SGCZ: variants seen among roughly 807,000 people sequenced by gnomAD.
SGCZ encodes the protein sarcoglycan zeta, also known as zeta-sarcoglycan.
Under a neutral mutation model 41.3 loss-of-function variants are expected in SGCZ, and 40 were observed. The observed-to-expected ratio is 0.97, with a 90% CI of 0.75 to 1.26. The LOEUF (loss-of-function observed/expected upper bound fraction) is 1.26, where lower values mean the gene tolerates loss of function less well. Ranked by LOEUF, SGCZ falls within the 50% of genes most tolerant of loss-of-function variation. SGCZ has a pLI of 0.00. For missense variants in SGCZ, 552 were observed against 369.8 expected, an observed-to-expected ratio of 1.49 and a Z score of -4.04; for synonymous variants, 206 against 137.5, an observed-to-expected ratio of 1.50 and a Z score of -3.49.
At chr8:15,155,968 G>T (rs1799318061) in intron 1 of SGCZ, among the ~76,000 whole-genome samples, 2 of 148,032 alleles carry the variant, frequency 1.4e-5, no homozygotes, top group African/African-American at 5.0e-5. Flanking sequence ...CGAAGCAGGA[G>T]AATCGCTTGA....
chr8:15,051,916 C>T (rs756574183), intron 1 of SGCZ, among the ~76,000 whole-genome samples: 9 of 152,114 alleles, frequency 5.9e-5, no homozygotes, highest in Non-Finnish European at 1.2e-4. Context: ...ACAATTTGGG[C>T]GCGCCAAAAG....
chr8:15,172,993 T>C (rs1799890095), intron 1 of SGCZ, among the ~76,000 whole-genome samples: 1 of 152,198 alleles, frequency 6.6e-6, no homozygotes, highest in Non-Finnish European at 1.5e-5. Context: ...TCTGAACTTT[T>C]TTGGATAACA....
intron 1 of SGCZ, among the ~76,000 whole-genome samples, chr8:14,688,271 T>C (rs1808683055): frequency 6.6e-6 from 1 of 152,204 alleles, no homozygotes; most frequent in Non-Finnish European, 1.5e-5. Flanking sequence ...TCCTTGCCCA[T>C]GCCTATGTCC....
chr8:15,183,937 G>T (rs898352652), intron 1 of SGCZ, among the ~76,000 whole-genome samples: 2 of 152,040 alleles, frequency 1.3e-5, no homozygotes, highest in East Asian at 1.9e-4. Context: ...GAGTAATAAA[G>T]GTCTGTGTAA....
rs898535295 is a variant in SGCZ at position 14,312,670 on chromosome 8, AGAG to A, written c.336+11430_336+11432del. On this transcript the variant is annotated intron_variant, in intron 3 of 7. Coordinates refer to ENST00000382080, the MANE Select transcript of SGCZ (RefSeq NM_139167.4). ...AAGAGGAAGAGGAAGAGGAGGAGGA[AGAG>A]GAGGAGGAGGAGGAAGAGGAGCAGG... Among the ~76,000 whole-genome samples the A allele has an allele frequency of 4.0e-5, 6 of 151,474 alleles. No homozygotes were observed. The East Asian group carries it at 5.8e-4, about 15-fold the overall frequency.
At chr8:14,436,104 C>T (rs1800083608) in intron 2 of SGCZ, among the ~76,000 whole-genome samples, 1 of 152,170 alleles carries the variant, frequency 6.6e-6, no homozygotes, top group Non-Finnish European at 1.5e-5. Flanking sequence ...GGATGTCAAA[C>T]TTCTGTCTAG....
At chr8:14,204,280 G>A (rs971209052) in intron 4 of SGCZ, among the ~76,000 whole-genome samples, 1 of 146,352 alleles carries the variant, frequency 6.8e-6, no homozygotes, top group African/African-American at 2.5e-5. Context: ...CACTCTGAAT[G>A]TTTTTTTTTT....
intron 1 of SGCZ, among the ~76,000 whole-genome samples, chr8:14,622,888 T>C (rs1806331063): frequency 6.6e-6 from 1 of 152,158 alleles, no homozygotes; most frequent in Non-Finnish European, 1.5e-5. Context: ...GTAACCTGGG[T>C]GGAGAACTGA....
rs375198130 is a variant in SGCZ at position 14,970,614 on chromosome 8, T to A, written c.39+266971A>T. 3.3e-5 allele frequency among the ~76,000 whole-genome samples: 5 copies of A among 152,286 alleles called. No individual in the cohort carries two copies. In the East Asian group the frequency reaches 5.8e-4, roughly 18 times the overall value. On this transcript the variant is annotated intron_variant, in intron 1 of 7. Coordinates refer to ENST00000382080, the MANE Select transcript of SGCZ (RefSeq NM_139167.4). ...TTCTGCTGAAAATCGGTTGTTCACA[T>A]ATGTGTGCACCTATTTCTTGACCAT...
chr8:14,346,170 C>A (rs764734998), intron 2 of SGCZ, among the ~76,000 whole-genome samples: 1 of 151,834 alleles, frequency 6.6e-6, no homozygotes, highest in South Asian at 2.1e-4. Context: ...TAATACAATA[C>A]GTTACTAATA....
intron 1 of SGCZ, among the ~76,000 whole-genome samples, chr8:14,570,010 T>C (rs1585088904): frequency 6.6e-6 from 1 of 150,968 alleles, no homozygotes; most frequent in Admixed American, 6.6e-5. Context: ...ATAGCAACCC[T>C]CCATTCCTCA....
At chr8:14,567,404 G>T (rs1464476713) in intron 1 of SGCZ, among the ~76,000 whole-genome samples, 1 of 152,116 alleles carries the variant, frequency 6.6e-6, no homozygotes, top group South Asian at 2.1e-4. Context: ...TACACCAGTG[G>T]ACACTCTTTA....
chr8:15,192,630 C>A (rs544503023), intron 1 of SGCZ, among the ~76,000 whole-genome samples: 1 of 152,068 alleles, frequency 6.6e-6, no homozygotes, highest in Non-Finnish European at 1.5e-5. Flanking sequence ...GGCATCAATG[C>A]CAAACTCATC....
intron 1 of SGCZ, among the ~76,000 whole-genome samples, chr8:15,124,533 G>A (rs746308326): frequency 1.3e-5 from 2 of 152,264 alleles, no homozygotes; most frequent in African/African-American, 2.4e-5. Context: ...CTAAATAGAA[G>A]AGGATTTTAA....
At chr8:14,363,873 T>C (rs1183832753) in intron 2 of SGCZ, among the ~76,000 whole-genome samples, 2 of 152,208 alleles carry the variant, frequency 1.3e-5, no homozygotes, top group South Asian at 2.1e-4. Flanking sequence ...TCCTCTTTAA[T>C]TATTGGTTAT....
chr8:14,518,462 T>C (rs553386014), intron 2 of SGCZ, among the ~76,000 whole-genome samples: 5 of 152,274 alleles, frequency 3.3e-5, no homozygotes, highest in African/African-American at 4.8e-5. Context: ...ACAAACATTT[T>C]ATTTCAACAT....
intron 1 of SGCZ, among the ~76,000 whole-genome samples, chr8:14,840,891 T>A (rs539346042): frequency 4.5e-4 from 69 of 152,190 alleles, no homozygotes; most frequent in African/African-American, 1.6e-3. Flanking sequence ...AAATAGCAAC[T>A]CCCATAATAA....
chr8:14,733,918 C>T (rs952547476), intron 1 of SGCZ, among the ~76,000 whole-genome samples: 2 of 152,186 alleles, frequency 1.3e-5, no homozygotes, highest in Non-Finnish European at 2.9e-5. Context: ...AGATACTTGT[C>T]TGGATACTCA....
At chr8:14,333,005 G>T (rs1056444328) in intron 2 of SGCZ, among the ~76,000 whole-genome samples, 1 of 151,126 alleles carries the variant, frequency 6.6e-6, no homozygotes, top group African/African-American at 2.4e-5. Flanking sequence ...AATCCAGTAG[G>T]AACACTTGGA....
Sources: allele counts gnomAD v4.1 joint callset (sites outside exome capture counted in the v4.1 genomes callset), GRCh38; gene constraint gnomAD v4.1.1; transcripts MANE v1.5; gene names NCBI Gene and HGNC (gene_info 2026-07-23, HGNC 2026-07-21).